Variants in ARHGAP15 observed in about 807,000 individuals in gnomAD.
The protein encoded by ARHGAP15 is Rho GTPase activating protein 15, also known as rho GTPase-activating protein 15.
A neutral mutation model predicts 63.7 loss-of-function variants in ARHGAP15; 51 were observed. That is an observed-to-expected ratio of 0.80 (90% CI 0.64 to 1.01). The LOEUF is 1.01. ARHGAP15 is among the 50% of genes least tolerant of loss of function. ARHGAP15 has a pLI of 0.00. For missense variants in ARHGAP15, 560 were observed against 564.6 expected (o/e 0.99, Z 0.08); for synonymous variants, 191 against 193.8 (o/e 0.99, Z 0.12).
At chr2:143,224,981 G>A (rs1183699262) in intron 4 of ARHGAP15, among the ~76,000 whole-genome samples, 1 of 152,180 alleles carries the variant, frequency 6.6e-6, no homozygotes, top group Non-Finnish European at 1.5e-5. Flanking sequence ...ACTCATAAGT[G>A]GGAGTTGAAC....
At chr2:143,257,191 A>G (rs1680470284) in intron 6 of ARHGAP15, among the ~76,000 whole-genome samples, 2 of 152,066 alleles carry the variant, frequency 1.3e-5, no homozygotes, top group South Asian at 2.1e-4. Flanking sequence ...TCATTTGCAC[A>G]CCTTCATTGT....
At chr2:143,149,691 A>G (rs571060314) in intron 1 of ARHGAP15, among the ~76,000 whole-genome samples, 16 of 152,176 alleles carry the variant, frequency 1.1e-4, no homozygotes, top group African/African-American at 3.6e-4. Context: ...ATAATAAAAT[A>G]TCCATAGTTT....
intron 6 of ARHGAP15, chr2:143,305,222 C>G (rs1298003194): frequency 6.7e-6 from 1 of 149,640 alleles, no homozygotes; most frequent in Non-Finnish European, 1.5e-5. Flanking sequence ...CAAACTAACA[C>G]AGGAAGAGAA....
intron 6 of ARHGAP15, among the ~76,000 whole-genome samples, chr2:143,345,358 T>C (rs1266686984): frequency 6.6e-6 from 1 of 152,096 alleles, no homozygotes; most frequent in East Asian, 1.9e-4. Flanking sequence ...TATGTCTCTT[T>C]AAGCAGATAC....
chr2:143,434,959 G>A (rs1689545753), intron 6 of ARHGAP15, among the ~76,000 whole-genome samples: 1 of 152,058 alleles, frequency 6.6e-6, no homozygotes, highest in Admixed American at 6.6e-5. Flanking sequence ...GAACCTGAAT[G>A]TTCATTTGAT....
chr2:143,623,327 G>T lies in ARHGAP15; in HGVS notation c.1004-806G>T, dbSNP rs138308511. 1.5e-4 allele frequency among the ~76,000 whole-genome samples: 23 copies of T among 152,212 alleles called. No individual in the cohort carries two copies. In the East Asian group the frequency reaches 4.3e-3, roughly 28 times the overall value. ...TTATTTCTATTAAAACCTTCATTTT[G>T]GGATTTACTTTCTTTAGTATTTCAA... On this transcript the variant is annotated intron_variant, in intron 11 of 13. Coordinates refer to ENST00000295095, the MANE Select transcript of ARHGAP15 (RefSeq NM_018460.4).
intron 13 of ARHGAP15, among the ~76,000 whole-genome samples, chr2:143,764,884 AC>A (rs1052965172): frequency 6.6e-6 from 1 of 152,094 alleles, no homozygotes; most frequent in Non-Finnish European, 1.5e-5. Context: ...ATGTTCTACT[AC>A]CCTGTTGGCC....
intron 10 of ARHGAP15, among the ~76,000 whole-genome samples, chr2:143,545,346 TA>T (rs1215174572): frequency 6.6e-6 from 1 of 152,206 alleles, no homozygotes; most frequent in Admixed American, 6.5e-5. Flanking sequence ...GAATGTGTTC[TA>T]AATTAAACTG....
intron 6 of ARHGAP15, among the ~76,000 whole-genome samples, chr2:143,320,403 TCCCCA>T (rs1558890249): frequency 1.1e-4 from 1 of 9,004 alleles, no homozygotes; most frequent in African/African-American, 2.8e-4. Context: ...AATCAGGACT[TCCCCA>T]CCCCCCCCCC....
At chr2:143,645,641 T>C (rs1386156729) in intron 12 of ARHGAP15, among the ~76,000 whole-genome samples, 1 of 151,986 alleles carries the variant, frequency 6.6e-6, no homozygotes, top group African/African-American at 2.4e-5. Context: ...AATATATAAA[T>C]TATACAAATT....
chr2:143,431,220 A>G (rs1488201472), intron 6 of ARHGAP15, among the ~76,000 whole-genome samples: 5 of 152,040 alleles, frequency 3.3e-5, no homozygotes, highest in Non-Finnish European at 5.9e-5. Context: ...TTTCCTGTTC[A>G]AACACACAGT....
At chr2:143,661,926 C>T (rs1260273093) in intron 12 of ARHGAP15, among the ~76,000 whole-genome samples, 1 of 152,226 alleles carries the variant, frequency 6.6e-6, no homozygotes, top group African/African-American at 2.4e-5. Context: ...CCTACGCCCA[C>T]AGAGTCTCGC....
chr2:143,629,182 G>A (rs1462456803), intron 12 of ARHGAP15, among the ~76,000 whole-genome samples: 3 of 61,478 alleles, frequency 4.9e-5, no homozygotes, highest in Non-Finnish European at 1.0e-4. Flanking sequence ...ACTTCTTTTT[G>A]GACCAAAAAA....
At chr2:143,480,169 A>T (rs935408073) in intron 8 of ARHGAP15, among the ~76,000 whole-genome samples, 9 of 152,206 alleles carry the variant, frequency 5.9e-5, no homozygotes, top group Non-Finnish European at 1.3e-4. Context: ...TATACATGAA[A>T]AGACAGTGAA....
chr2:143,432,014 G>A (rs1184108131), intron 6 of ARHGAP15, among the ~76,000 whole-genome samples: 1 of 151,926 alleles, frequency 6.6e-6, no homozygotes, highest in Non-Finnish European at 1.5e-5. Flanking sequence ...TGCTGATGAG[G>A]TGTATCTATC....
chr2:143,362,446 A>C (rs1284740503), intron 6 of ARHGAP15, among the ~76,000 whole-genome samples: 3 of 151,524 alleles, frequency 2.0e-5, no homozygotes, highest in African/African-American at 7.3e-5. Context: ...CCTCCTCTTC[A>C]CCTCTTATTT....
At chr2:143,340,750 T>C (rs1020581900) in intron 6 of ARHGAP15, among the ~76,000 whole-genome samples, 6 of 152,060 alleles carry the variant, frequency 3.9e-5, no homozygotes, top group Non-Finnish European at 7.4e-5. Flanking sequence ...GTGGCAAGAT[T>C]TGCTCCTCTG....
chr2:143,692,085 C>T (rs944600827), intron 12 of ARHGAP15, among the ~76,000 whole-genome samples: 2 of 152,066 alleles, frequency 1.3e-5, no homozygotes, highest in Admixed American at 1.3e-4. Flanking sequence ...ATAGGTTTTG[C>T]AAGCAAGGCT....
intron 6 of ARHGAP15, among the ~76,000 whole-genome samples, chr2:143,257,008 C>T (rs1398892485): frequency 6.6e-6 from 1 of 152,062 alleles, no homozygotes; most frequent in Non-Finnish European, 1.5e-5. Flanking sequence ...TGTCTTTTTG[C>T]ACGTTTAATT....
Sources: allele counts gnomAD v4.1 joint callset (sites outside exome capture counted in the v4.1 genomes callset), GRCh38; gene constraint gnomAD v4.1.1; transcripts MANE v1.5; gene names NCBI Gene and HGNC (gene_info 2026-07-23, HGNC 2026-07-21).